Variants in PRDM5 observed in about 807,000 individuals in gnomAD.
PRDM5 encodes the protein PR domain zinc finger protein 5.
A neutral mutation model predicts 81.2 loss-of-function variants in PRDM5; 56 were observed. The observed-to-expected ratio is 0.69, with a 90% CI of 0.56 to 0.86. The LOEUF is 0.86. Ranked by LOEUF, PRDM5 falls within the 40% of genes least tolerant of loss-of-function variation. The pLI is 0.00. For synonymous variants in PRDM5, 267 were observed against 256.4 expected (o/e 1.04, Z -0.39); for missense variants, 697 against 770.1 (o/e 0.91, Z 1.12).
chr4:120,781,295 T>C lies in PRDM5; in HGVS notation c.1291A>G (p.Thr431Ala). ...RHLLIHNSERTFKCHHCDATF... is the reference protein window; with the variant it reads ...RHLLIHNSERAFKCHHCDATF... ...GCATCGCAGTGATGGCACTTGAAAG[T>C]CCTCTCACCTTAGAAACAAAGAGAA... The change falls in exon 12 of 16, where the codon ACT becomes GCT. Residue 431 changes from threonine to alanine, a missense_variant. Physicochemically the swap from Thr to Ala is moderately conservative, Grantham distance 58 (BLOSUM62 0). Transcript: ENST00000264808. 6.2e-7 allele frequency: 1 copy of C among 1,612,682 alleles called. No individual in the cohort carries two copies. The highest frequency in any genetic ancestry group is 8.5e-7 in the Non-Finnish European group (1 of 1,179,060).
intron 8 of PRDM5, among the ~76,000 whole-genome samples, chr4:120,808,000 C>T (rs985287815): frequency 6.6e-6 from 1 of 152,206 alleles, no homozygotes; most frequent in African/African-American, 2.4e-5. Flanking sequence ...GGTTCACGGT[C>T]TCACTGGCCT....
At chr4:120,798,795 T>TC (rs1437606652) in intron 9 of PRDM5, among the ~76,000 whole-genome samples, 1 of 152,092 alleles carries the variant, frequency 6.6e-6, no homozygotes, top group African/African-American at 2.4e-5. Flanking sequence ...AGAGCTGCCT[T>TC]CCCCCAGGGC....
intron 7 of PRDM5, 137 bp downstream of exon 7, chr4:120,816,316 C>T (rs1243869083): frequency 1.4e-6 from 2 of 1,403,822 alleles, no homozygotes; most frequent in Admixed American, 1.9e-5. Context: ...AGAAAAAAAT[C>T]CACTGCCAGC....
At chr4:120,786,007 T>C (rs889670796) in intron 10 of PRDM5, among the ~76,000 whole-genome samples, 2 of 152,132 alleles carry the variant, frequency 1.3e-5, no homozygotes, top group Non-Finnish European at 1.5e-5. Flanking sequence ...CTTATTCTAC[T>C]ATAGATGGCA....
Position 120,787,252 on chromosome 4 carries a change from A to G in PRDM5, c.1189-2161T>C, listed in dbSNP as rs569105277. On this transcript the variant is annotated intron_variant, in intron 10 of 15. Transcript: ENST00000264808. ...TATTCGGGTGACCTAGTCAAGAAAC[A>G]TCACGGAAGCCAGTGTGGTTGGAGC... 7.9e-5 allele frequency among the ~76,000 whole-genome samples: 12 copies of G among 152,258 alleles called. 1 individual carries two copies. The highest frequency in any genetic ancestry group is 2.9e-5 in the Non-Finnish European group (2 of 68,006).
intron 14 of PRDM5, among the ~76,000 whole-genome samples, chr4:120,726,277 T>C (rs549022924): frequency 6.6e-6 from 1 of 152,338 alleles, no homozygotes; most frequent in Admixed American, 6.5e-5. Flanking sequence ...TCAGAATATA[T>C]TAGGTAAAAC....
chr4:120,746,503 A>C (rs1743074744), intron 14 of PRDM5, among the ~76,000 whole-genome samples: 2 of 139,022 alleles, frequency 1.4e-5, no homozygotes, highest in Non-Finnish European at 3.2e-5. Context: ...GGCAACCTAC[A>C]AAATGGGAGA....
intron 14 of PRDM5, among the ~76,000 whole-genome samples, chr4:120,743,871 C>T (rs1374347854): frequency 8.0e-5 from 12 of 150,182 alleles, no homozygotes; most frequent in Admixed American, 3.3e-4. Context: ...GACAGATCAA[C>T]GAGACAGAAA....
chr4:120,812,475 T>G (rs778187155), intron 7 of PRDM5: 1 of 166,254 alleles, frequency 6.0e-6, no homozygotes, highest in Non-Finnish European at 1.3e-5. Flanking sequence ...TTAACTAGGG[T>G]GAGATGATAT....
intron 1 of PRDM5, among the ~76,000 whole-genome samples, chr4:120,921,523 G>A (rs968413566): frequency 1.3e-5 from 2 of 152,186 alleles, no homozygotes; most frequent in South Asian, 4.1e-4. Context: ...AAGGGGAGAG[G>A]GTTATATGCA....
intron 1 of PRDM5, among the ~76,000 whole-genome samples, chr4:120,910,418 A>C (rs1049510207): frequency 2.0e-5 from 3 of 152,238 alleles, no homozygotes; most frequent in Non-Finnish European, 4.4e-5. Context: ...GCCTTCCCCT[A>C]GGGATTCCAG....
intron 3 of PRDM5, among the ~76,000 whole-genome samples, chr4:120,832,801 A>G (rs1433147627): frequency 6.6e-6 from 1 of 152,174 alleles, no homozygotes; most frequent in African/African-American, 2.4e-5. Flanking sequence ...TTCTCAACAA[A>G]TTCTTAAGAA....
At chr4:120,751,474 C>A (rs1385999900) in intron 14 of PRDM5, among the ~76,000 whole-genome samples, 2 of 147,488 alleles carry the variant, frequency 1.4e-5, no homozygotes, top group Non-Finnish European at 1.5e-5. Context: ...CATAAGAAGA[C>A]AGAAAGAAAG....
chr4:120,894,778 T>G (rs1279465198), intron 2 of PRDM5, among the ~76,000 whole-genome samples: 1 of 152,212 alleles, frequency 6.6e-6, no homozygotes, highest in Non-Finnish European at 1.5e-5. Flanking sequence ...TCAAGGATCT[T>G]ATATATTTTG....
chr4:120,780,972 G>A lies in PRDM5; in HGVS notation c.1443+171C>T, dbSNP rs75230885. 6.9e-4 allele frequency among the ~76,000 whole-genome samples: 105 copies of A among 152,228 alleles called. 1 individual carries two copies. The East Asian group carries it at 0.019, about 27-fold the overall frequency. On this transcript the variant is annotated intron_variant, in intron 12 of 15. Coordinates refer to ENST00000264808, the MANE Select transcript of PRDM5 (RefSeq NM_018699.4). ...TCATGGAAAAAAATAGGTCTATCCT[G>A]AAAGATGAAGAAAGTGAACATTGTC...
chr4:120,920,738 T>G (rs891695336), intron 1 of PRDM5, among the ~76,000 whole-genome samples: 5 of 152,230 alleles, frequency 3.3e-5, no homozygotes, highest in African/African-American at 1.2e-4. Context: ...CATCTGCACA[T>G]TCACTTTGAA....
At chr4:120,769,928 A>G (rs755948166) in intron 13 of PRDM5, among the ~76,000 whole-genome samples, 2 of 152,232 alleles carry the variant, frequency 1.3e-5, no homozygotes, top group African/African-American at 4.8e-5. Flanking sequence ...ATGAAGCTAG[A>G]TGTTAAAGTA....
intron 2 of PRDM5, among the ~76,000 whole-genome samples, chr4:120,865,772 G>T (rs771702796): frequency 3.3e-5 from 5 of 152,058 alleles, no homozygotes; most frequent in Non-Finnish European, 7.4e-5. Flanking sequence ...GATCTCCGGG[G>T]TTCTCATCTA....
intron 3 of PRDM5, among the ~76,000 whole-genome samples, chr4:120,834,140 T>C (rs1384922561): frequency 2.0e-5 from 3 of 152,192 alleles, no homozygotes; most frequent in Non-Finnish European, 4.4e-5. Context: ...ACATGGCCTA[T>C]GGATTGCACA....
Sources: gnomAD v4.1 joint callset for allele counts (sites outside exome capture counted in the v4.1 genomes callset) on GRCh38, gnomAD v4.1.1 for gene constraint, MANE v1.5 for transcripts, NCBI Gene and HGNC (gene_info 2026-07-23, HGNC 2026-07-21) for gene names.